Variants in NXPE2 observed in about 807,000 individuals in gnomAD.
NXPE2 encodes the protein NXPE family member 2.
In NXPE2, 34 loss-of-function variants were observed where a neutral mutation model predicts 34.4. The ratio of observed to expected loss-of-function variants is 0.99; its 90% confidence interval spans 0.75 to 1.31. The LOEUF (loss-of-function observed/expected upper bound fraction) is 1.31, where lower values mean the gene tolerates loss of function less well. Among genes scored for constraint, NXPE2 ranks in the 40% most tolerant of loss-of-function variants. The probability of loss-of-function intolerance (pLI) is 0.00; values close to 1 mark genes in which losing one functional copy is unlikely to be tolerated. For missense variants in NXPE2, 649 were observed against 672.5 expected (o/e 0.97, Z 0.39); for synonymous variants, 235 against 231.3 (o/e 1.02, Z -0.15).
At chr11:114,587,395 T>C in the NXPE2 span, among the ~76,000 whole-genome samples, 1 of 152,160 alleles carries the variant, frequency 6.6e-6, no homozygotes, top group Non-Finnish European at 1.5e-5. Context: ...TAATAGCAAA[T>C]TGTACAGCTC....
chr11:114,747,011 A>G, the NXPE2 span, among the ~76,000 whole-genome samples: 1 of 151,962 alleles, frequency 6.6e-6, no homozygotes, highest in African/African-American at 2.4e-5. Context: ...CATGTCCCCT[A>G]TCTCTTTGGC....
At chr11:114,696,244 A>G (rs1231347250) in intron 2 of NXPE2, among the ~76,000 whole-genome samples, 1 of 151,050 alleles carries the variant, frequency 6.6e-6, no homozygotes, top group African/African-American at 2.4e-5. Flanking sequence ...AGGATTACCT[A>G]AGCCTGGAGC....
At chr11:114,491,110 C>T in the NXPE2 span, among the ~76,000 whole-genome samples, 1 of 132,402 alleles carries the variant, frequency 7.6e-6, no homozygotes, top group Non-Finnish European at 1.6e-5. Flanking sequence ...TGCAGTGAGC[C>T]GAGATTGCGC....
chr11:114,706,689 G>A lies in NXPE2; in HGVS notation c.1439G>A (p.Ser480Asn). The change falls in exon 6 of 6, where the codon AGC (serine) becomes AAC (asparagine). Residue 480 changes from serine to asparagine, a missense_variant. By Grantham distance (46) the Ser-to-Asn change is conservative. Coordinates refer to ENST00000389586, the MANE Select transcript of NXPE2 (RefSeq NM_182495.6). ...QKAIERLFLR[S>N]PETKVILKTE... ...GCCATTGAACGTCTATTCTTGCGAAGCCCGGAGACCAAGGTGATACTTAAA... is the reference window on the plus strand; with the variant it reads ...GCCATTGAACGTCTATTCTTGCGAAACCCGGAGACCAAGGTGATACTTAAA... 1.2e-5 allele frequency: 19 copies of A among 1,552,126 alleles called. No homozygotes were observed. Among genetic ancestry groups the A allele is most frequent in the Non-Finnish European group, 1.5e-5 (17 of 1,147,070 alleles).
At chr11:114,583,258 G>A in the NXPE2 span, 61 of 660,664 alleles carry the variant, frequency 9.2e-5, no homozygotes, top group Non-Finnish European at 1.1e-4. Flanking sequence ...GCAAGATGGC[G>A]CAAAGGCAGG....
At chr11:114,702,193 C>T (rs1166993292) in intron 3 of NXPE2, among the ~76,000 whole-genome samples, 4 of 152,144 alleles carry the variant, frequency 2.6e-5, no homozygotes, top group Non-Finnish European at 5.9e-5. Context: ...GTTCACTATT[C>T]TGTTAGTTTC....
chr11:114,706,350 T>C (rs1565392641), intron 5 of NXPE2, 45 bp from the exon 6 acceptor site: 6 of 1,435,146 alleles, frequency 4.2e-6, no homozygotes, highest in Non-Finnish European at 5.6e-6. Context: ...TAAAGTTATA[T>C]CATTTTCCTT....
the NXPE2 span, among the ~76,000 whole-genome samples, chr11:114,761,978 C>A: frequency 1.3e-5 from 2 of 152,208 alleles, no homozygotes; most frequent in Non-Finnish European, 2.9e-5. Flanking sequence ...TAAGATAAGG[C>A]CCGTGCCTTC....
chr11:114,725,559 C>T, the NXPE2 span, among the ~76,000 whole-genome samples: 2 of 151,912 alleles, frequency 1.3e-5, no homozygotes, highest in African/African-American at 4.8e-5. Flanking sequence ...TTCAGGAAAG[C>T]ATAAATGATA....
At chr11:114,678,501 C>A, upstream of NXPE2, 1 of 1,229,352 alleles carries the variant, frequency 8.1e-7, no homozygotes. Flanking sequence ...AAACTCCAAC[C>A]CTAAGATAAA....
chr11:114,540,212 C>T, the NXPE2 span, among the ~76,000 whole-genome samples: 1 of 152,180 alleles, frequency 6.6e-6, no homozygotes, highest in Non-Finnish European at 1.5e-5. Context: ...CTGCCTCGGC[C>T]TCCCAAAGTG....
the NXPE2 span, among the ~76,000 whole-genome samples, chr11:114,589,833 C>T: frequency 1.3e-5 from 2 of 152,158 alleles, no homozygotes; most frequent in Admixed American, 6.5e-5. Context: ...GTCCCTACAA[C>T]ACCCCAATAT....
the NXPE2 span, among the ~76,000 whole-genome samples, chr11:114,538,150 A>G: frequency 6.6e-6 from 1 of 152,336 alleles, no homozygotes; most frequent in Admixed American, 6.5e-5. Context: ...CTGATCTTTG[A>G]CAAACCTGAC....
the NXPE2 span, among the ~76,000 whole-genome samples, chr11:114,763,860 T>C: frequency 6.6e-6 from 1 of 152,222 alleles, no homozygotes; most frequent in Non-Finnish European, 1.5e-5. Flanking sequence ...AAGAGTCTAA[T>C]TAGCATTACT....
chr11:114,640,426 G>A, the NXPE2 span, among the ~76,000 whole-genome samples: 9 of 151,134 alleles, frequency 6.0e-5, no homozygotes, highest in East Asian at 7.7e-4. Flanking sequence ...ATATATTCAC[G>A]TGCAGATGTC....
chr11:114,747,074 T>C, the NXPE2 span, among the ~76,000 whole-genome samples: 1 of 152,200 alleles, frequency 6.6e-6, no homozygotes, highest in Non-Finnish European at 1.5e-5. Flanking sequence ...TTCTTTGATC[T>C]CTAATCAGAT....
At chr11:114,801,731 G>GTGAT in the NXPE2 span, among the ~76,000 whole-genome samples, 3 of 152,162 alleles carry the variant, frequency 2.0e-5, no homozygotes, top group African/African-American at 7.2e-5. Context: ...GCAGGATTTG[G>GTGAT]TGATAGATTG....
the NXPE2 span, chr11:114,570,898 T>C: frequency 7.0e-7 from 1 of 1,438,220 alleles, no homozygotes; most frequent in Non-Finnish European, 9.4e-7. Context: ...GTCAATAAAT[T>C]TTTTTACTTA....
At chr11:114,481,356 T>G in the NXPE2 span, among the ~76,000 whole-genome samples, 8 of 152,140 alleles carry the variant, frequency 5.3e-5, no homozygotes, top group Non-Finnish European at 1.0e-4. Context: ...TTTGGTAAGG[T>G]TTTAAAACAC....
Sources: gnomAD v4.1 joint callset for allele counts (sites outside exome capture counted in the v4.1 genomes callset) on GRCh38, gnomAD v4.1.1 for gene constraint, MANE v1.5 for transcripts, NCBI Gene and HGNC (gene_info 2026-07-23, HGNC 2026-07-21) for gene names.